Variants in GPHN observed in about 807,000 individuals in gnomAD.
The protein encoded by GPHN is gephyrin.
A neutral mutation model predicts 95.5 loss-of-function variants in GPHN; 17 were observed. The ratio of observed to expected loss-of-function variants is 0.18; its 90% CI spans 0.12 to 0.27. The LOEUF (loss-of-function observed/expected upper bound fraction) is 0.27. GPHN is among the 10% of genes least tolerant of loss of function. GPHN has a pLI of 1.00. For missense variants in GPHN, 660 were observed against 978.1 expected (o/e 0.67, Z 4.34); for synonymous variants, 320 against 322.5 (o/e 0.99, Z 0.08).
At chr14:67,531,910 CAAAA>C in the GPHN span, among the ~76,000 whole-genome samples, 1 of 79,606 alleles carries the variant, frequency 1.3e-5, no homozygotes. Context: ...AACCTATGTC[CAAAA>C]AAAAAAAAAA....
chr14:67,298,636 T>C, the GPHN span, among the ~76,000 whole-genome samples: 1 of 152,202 alleles, frequency 6.6e-6, no homozygotes, highest in African/African-American at 2.4e-5. Flanking sequence ...TTAGATGCTA[T>C]GAGTACATTT....
chr14:67,553,924 G>A, the GPHN span, among the ~76,000 whole-genome samples: 7 of 152,184 alleles, frequency 4.6e-5, no homozygotes, highest in African/African-American at 9.7e-5. Flanking sequence ...AGGAAAGAAG[G>A]GATGTGGGTA....
At chr14:67,145,731 C>G (rs995459924) in intron 18 of GPHN, among the ~76,000 whole-genome samples, 1 of 152,152 alleles carries the variant, frequency 6.6e-6, no homozygotes, top group African/African-American at 2.4e-5. Context: ...TTTGCTTCAG[C>G]CCAGGAGCTA....
At position 67,177,139 on chromosome 14, in the gene GPHN, T is replaced by C. The variant is rs1181315907; in HGVS notation, c.2080-2439T>C. On this transcript the variant is annotated intron_variant, in intron 21 of 22. Coordinates refer to ENST00000478722, the MANE Select transcript of GPHN (RefSeq NM_020806.5). ...TTCTAGCTTTTGAATTTATTTCCTC[T>C]TACTCCTCTAGTTCTTTAAACTGTG... 2.0e-5 allele frequency among the ~76,000 whole-genome samples: 3 copies of C among 152,230 alleles called. No individual in the cohort carries two copies. In the East Asian group the frequency reaches 5.8e-4, roughly 29 times the overall value.
chr14:67,192,738 A>T, the GPHN span, among the ~76,000 whole-genome samples: 2 of 150,154 alleles, frequency 1.3e-5, no homozygotes, highest in South Asian at 4.2e-4. Context: ...TGTTATGGGG[A>T]TATATTAATA....
intron 1 of GPHN, among the ~76,000 whole-genome samples, chr14:66,632,029 AT>A (rs1269919207): frequency 3.9e-5 from 6 of 152,118 alleles, no homozygotes; most frequent in African/African-American, 1.4e-4. Context: ...TGGTATTATT[AT>A]TTTTCTGGTC....
chr14:67,543,097 T>A, the GPHN span, among the ~76,000 whole-genome samples: 1 of 152,206 alleles, frequency 6.6e-6, no homozygotes, highest in Non-Finnish European at 1.5e-5. Flanking sequence ...TAAAATTAAG[T>A]GAATCAATCA....
chr14:66,545,963 C>A (rs982530767), intron 1 of GPHN, among the ~76,000 whole-genome samples: 4 of 151,142 alleles, frequency 2.6e-5, no homozygotes, highest in Non-Finnish European at 4.4e-5. Flanking sequence ...TGACGCTCCT[C>A]ACTTCTCAGA....
At chr14:66,612,117 C>A (rs942613239) in intron 1 of GPHN, among the ~76,000 whole-genome samples, 4 of 151,936 alleles carry the variant, frequency 2.6e-5, no homozygotes, top group African/African-American at 9.7e-5. Context: ...TGTTTTATTT[C>A]TCTGAAATGG....
chr14:67,208,492 A>T, the GPHN span: 5 of 1,579,398 alleles, frequency 3.2e-6, no homozygotes, highest in Non-Finnish European at 4.3e-6. Flanking sequence ...TAAGACATGA[A>T]ATATTAATAA....
At chr14:67,010,666 A>C (rs1310814871) in intron 9 of GPHN, among the ~76,000 whole-genome samples, 2 of 152,164 alleles carry the variant, frequency 1.3e-5, no homozygotes, top group Non-Finnish European at 2.9e-5. Flanking sequence ...TCCAAGTAGG[A>C]ATTTTTTAAA....
chr14:67,515,714 G>A, the GPHN span, among the ~76,000 whole-genome samples: 1 of 152,204 alleles, frequency 6.6e-6, no homozygotes, highest in Non-Finnish European at 1.5e-5. Context: ...TGTCAGGCCC[G>A]GAGCTTGTAG....
the GPHN span, chr14:67,651,361 C>G: frequency 6.2e-7 from 1 of 1,613,074 alleles, no homozygotes; most frequent in African/African-American, 1.3e-5. Context: ...AAGTTCTGGT[C>G]CACAAACCCT....
chr14:66,602,300 A>G (rs2062290393), intron 1 of GPHN, among the ~76,000 whole-genome samples: 1 of 152,012 alleles, frequency 6.6e-6, no homozygotes, highest in African/African-American at 2.4e-5. Flanking sequence ...ATTTAGCTTT[A>G]TAATCAGAAA....
the GPHN span, chr14:67,583,740 G>A: frequency 6.2e-7 from 1 of 1,610,200 alleles, no homozygotes; most frequent in Non-Finnish European, 8.5e-7. Flanking sequence ...TTCTACCACA[G>A]GTAGAATATG....
chr14:66,934,013 C>G (rs2066965448), intron 8 of GPHN, among the ~76,000 whole-genome samples: 1 of 151,960 alleles, frequency 6.6e-6, no homozygotes, highest in South Asian at 2.1e-4. Context: ...GTGGCACATG[C>G]CTGTAGTCCC....
the GPHN span, among the ~76,000 whole-genome samples, chr14:67,362,661 GACCAA>G: frequency 6.6e-6 from 1 of 151,996 alleles, no homozygotes; most frequent in South Asian, 2.1e-4. Flanking sequence ...ACTTCTTGAG[GACCAA>G]ATAAAATAAG....
chr14:67,081,419 T>G (rs1187795893), intron 11 of GPHN, among the ~76,000 whole-genome samples: 1 of 152,228 alleles, frequency 6.6e-6, no homozygotes, highest in Admixed American at 6.5e-5. Flanking sequence ...AATTGTCTAT[T>G]CATGTCCTTA....
chr14:67,101,922 A>G (rs1455927178), intron 13 of GPHN, among the ~76,000 whole-genome samples: 1 of 151,808 alleles, frequency 6.6e-6, no homozygotes, highest in Non-Finnish European at 1.5e-5. Flanking sequence ...CCCAGGCTGG[A>G]GTGCAGTGGC....
Sources: allele counts gnomAD v4.1 joint callset (sites outside exome capture counted in the v4.1 genomes callset), GRCh38; gene constraint gnomAD v4.1.1; transcripts MANE v1.5; gene names NCBI Gene and HGNC (gene_info 2026-07-23, HGNC 2026-07-21).